CHD7: variants seen among roughly 807,000 people sequenced by gnomAD.
CHD7 encodes chromodomain helicase DNA binding protein 7, also known as ATP-dependent chromatin remodeler CHD7.
In CHD7, 24 loss-of-function variants were observed where a neutral mutation model predicts 307.3. The observed-to-expected ratio is 0.08, with a 90% CI of 0.06 to 0.11. The LOEUF is 0.11. CHD7 is among the 10% of genes least tolerant of loss of function. CHD7 has a pLI of 1.00. For missense variants in CHD7, 3,106 were observed against 3,727.1 expected (o/e 0.83, Z 4.34); for synonymous variants, 1,363 against 1,349.9 (o/e 1.01, Z -0.21).
chr8:60,682,511 T>C (rs1457419772), intron 1 of CHD7, among the ~76,000 whole-genome samples: 1 of 152,254 alleles, frequency 6.6e-6, no homozygotes, highest in East Asian at 1.9e-4. Context: ...AGTGTAGTTC[T>C]TTCAAACCTA....
At chr8:60,862,908 G>C (rs1586463553) in intron 37 of CHD7, 1 of 444,506 alleles carries the variant, frequency 2.2e-6, no homozygotes, top group Non-Finnish European at 4.0e-6. Context: ...ACTTCTCCAG[G>C]GGGGATTGCC....
intron 1 of CHD7, among the ~76,000 whole-genome samples, chr8:60,724,976 G>A (rs1203359306): frequency 6.6e-6 from 1 of 152,192 alleles, no homozygotes; most frequent in African/African-American, 2.4e-5. Context: ...TTTACAATTT[G>A]CCTTTCCATA....
chr8:60,802,777 C>T (rs767645329), intron 6 of CHD7, among the ~76,000 whole-genome samples: 1 of 152,170 alleles, frequency 6.6e-6, no homozygotes, highest in African/African-American at 2.4e-5. Flanking sequence ...AATAGGAAAC[C>T]ATTACTATTC....
intron 12 of CHD7, among the ~76,000 whole-genome samples, 160 bp downstream of exon 12, chr8:60,822,906 G>A (rs1010084368): frequency 1.4e-4 from 21 of 152,200 alleles, no homozygotes; most frequent in African/African-American, 4.8e-4. Context: ...ATCTTTCTGT[G>A]TCTATGAAAA....
intron 1 of CHD7, among the ~76,000 whole-genome samples, chr8:60,690,375 T>C (rs1806134716): frequency 1.3e-5 from 2 of 152,214 alleles, no homozygotes; most frequent in South Asian, 4.1e-4. Context: ...CTATTTTTGG[T>C]GCATTTAATA....
intron 1 of CHD7, among the ~76,000 whole-genome samples, chr8:60,717,815 C>A (rs550979269): frequency 2.0e-5 from 3 of 152,162 alleles, no homozygotes; most frequent in Non-Finnish European, 4.4e-5. Context: ...AACAAACCTA[C>A]TGTATTGCTG....
chr8:60,707,851 T>C (rs1422860901), intron 1 of CHD7, among the ~76,000 whole-genome samples: 2 of 152,226 alleles, frequency 1.3e-5, no homozygotes, highest in Non-Finnish European at 2.9e-5. Context: ...ACGTTGTACC[T>C]TAAATACAAT....
intron 33 of CHD7, 89 bp from the exon 34 acceptor site, chr8:60,856,356 G>T: frequency 7.4e-7 from 1 of 1,346,986 alleles, no homozygotes. Flanking sequence ...AATTCCTTAA[G>T]CTTCTTGTTC....
chr8:60,819,030 T>C (rs1016643579), intron 8 of CHD7, among the ~76,000 whole-genome samples: 1 of 152,208 alleles, frequency 6.6e-6, no homozygotes, highest in African/African-American at 2.4e-5. Context: ...CTCGGCTCAC[T>C]GCAACCTCCG....
chr8:60,748,433 G>A (rs534892929), intron 2 of CHD7, among the ~76,000 whole-genome samples: 2 of 152,290 alleles, frequency 1.3e-5, no homozygotes, highest in African/African-American at 2.4e-5. Context: ...TGGCACTGGA[G>A]GGCACTAGGA....
chr8:60,830,255 A>G lies in CHD7; in HGVS notation c.3523-67A>G, dbSNP rs141939815. ...ATGAATGAGATAATCCTGATGTTTCATGTTAAAATATGTTTTAACTTGCAA... is the reference window on the plus strand; with the variant it reads ...ATGAATGAGATAATCCTGATGTTTCGTGTTAAAATATGTTTTAACTTGCAA... On this transcript the variant is annotated intron_variant, in intron 14 of 37. Transcript: ENST00000423902. 2.3e-3 allele frequency: 3,290 copies of G among 1,460,898 alleles called. 59 individuals carry two copies. The African/African-American group carries it at 0.041, about 18-fold the overall frequency. 90.5% of individuals were successfully genotyped at this position (1,460,898 alleles called of 1,614,324 possible).
intron 1 of CHD7, among the ~76,000 whole-genome samples, chr8:60,728,402 G>A (rs989991509): frequency 1.3e-5 from 2 of 151,912 alleles, no homozygotes; most frequent in African/African-American, 4.8e-5. Context: ...ACTCTTCCAT[G>A]TTTTTGTGGC....
chr8:60,812,440 T>G (rs1240319621), intron 7 of CHD7, among the ~76,000 whole-genome samples: 1 of 151,968 alleles, frequency 6.6e-6, no homozygotes, highest in African/African-American at 2.4e-5. Context: ...TGAGGCAGGC[T>G]GATCACGAGG....
rs190564331 is a variant in CHD7 at position 60,849,706 on chromosome 8, G to A, written c.5404+552G>A. Reference sequence around the variant, plus strand: ...ATAATCCCAATTCTCTGGAGGTCGCGGAGGTATTCTCAGCAGCCCAGCCTG... The same window carrying A: ...ATAATCCCAATTCTCTGGAGGTCGCAGAGGTATTCTCAGCAGCCCAGCCTG... On this transcript the variant is annotated intron_variant, in intron 25 of 37. Coordinates refer to ENST00000423902, the MANE Select transcript of CHD7 (RefSeq NM_017780.4). Among the ~76,000 whole-genome samples, 5 of 152,308 alleles carry A rather than the reference G, an allele frequency of 3.3e-5. No individual in the cohort carries two copies. The East Asian group carries it at 5.8e-4, about 18-fold the overall frequency.
rs1344998080 is a variant in CHD7 at position 60,823,834 on chromosome 8, T to C, written c.3202-6T>C. 1.1e-5 allele frequency: 17 copies of C among 1,612,128 alleles called. No individual in the cohort carries two copies. The highest frequency in any genetic ancestry group is 1.4e-5 in the Non-Finnish European group (17 of 1,178,314). On this transcript the variant is annotated splice_polypyrimidine_tract_variant and splice_region_variant and intron_variant, in intron 12 of 37. Transcript: ENST00000423902. ...GCTTAATAATAATTCAGAGTTGTTC[T>C]TATAGGGTCGAGTGATAAAGGGGTC...
chr8:60,808,077 C>T (rs1812621655), intron 6 of CHD7, 140 bp from the exon 7 acceptor site: 7 of 652,028 alleles, frequency 1.1e-5, no homozygotes, highest in Non-Finnish European at 1.9e-5. Flanking sequence ...CCTCCCAGCA[C>T]ACGGTGTGCT....
chr8:60,701,867 C>T (rs1369976733), intron 1 of CHD7, among the ~76,000 whole-genome samples: 2 of 152,192 alleles, frequency 1.3e-5, no homozygotes, highest in East Asian at 3.9e-4. Context: ...CTGTAGGGCA[C>T]ATGTGTCTTG....
intron 13 of CHD7, chr8:60,825,219 C>T (rs933429789): frequency 1.3e-5 from 2 of 152,158 alleles, no homozygotes; most frequent in Admixed American, 6.5e-5. Context: ...CTTTTTGTTG[C>T]AGCTGATTCT....
At chr8:60,833,570 T>C (rs1027071796) in intron 15 of CHD7, among the ~76,000 whole-genome samples, 2 of 152,244 alleles carry the variant, frequency 1.3e-5, no homozygotes, top group African/African-American at 2.4e-5. Context: ...GTGGCTTTTA[T>C]ATAGCTAGAG....
Sources: gnomAD v4.1 joint callset for allele counts (sites outside exome capture counted in the v4.1 genomes callset) on GRCh38, gnomAD v4.1.1 for gene constraint, MANE v1.5 for transcripts, NCBI Gene and HGNC (gene_info 2026-07-23, HGNC 2026-07-21) for gene names.